The following CDH22 variants were observed in gnomAD, a reference collection of about 807,000 sequenced individuals.
The protein encoded by CDH22 is cadherin-22.
Under a neutral mutation model 58.4 loss-of-function variants are expected in CDH22, and 30 were observed. The ratio of observed to expected loss-of-function variants is 0.51; its 90% CI spans 0.38 to 0.70. The LOEUF (loss-of-function observed/expected upper bound fraction) is 0.70, where lower values mean the gene tolerates loss of function less well. Among genes scored for constraint, CDH22 ranks in the 30% least tolerant of loss-of-function variants. The pLI is 0.00. For missense variants in CDH22, 1,014 were observed against 1,233.9 expected, an observed-to-expected ratio of 0.82 and a Z score of 2.67; for synonymous variants, 513 against 558.2, an observed-to-expected ratio of 0.92 and a Z score of 1.14.
chr20:46,283,216 G>A (rs981179277), intron 1 of CDH22, among the ~76,000 whole-genome samples: 1 of 152,200 alleles, frequency 6.6e-6, no homozygotes, highest in Admixed American at 6.5e-5. Flanking sequence ...AGTTGGGGTT[G>A]GAACCTATGT....
chr20:46,186,321 C>T (rs2085824816), intron 10 of CDH22, among the ~76,000 whole-genome samples: 1 of 151,984 alleles, frequency 6.6e-6, no homozygotes, highest in Non-Finnish European at 1.5e-5. Context: ...TGGACTCTGG[C>T]ACAATCATTC....
intron 2 of CDH22, among the ~76,000 whole-genome samples, chr20:46,242,978 A>G (rs2145728532): frequency 6.6e-6 from 1 of 152,316 alleles, no homozygotes; most frequent in Admixed American, 6.5e-5. Context: ...GAAACACCTA[A>G]GTCCTTATCT....
At chr20:46,181,712 T>TTTC (rs1273359506) in intron 10 of CDH22, among the ~76,000 whole-genome samples, 3 of 69,338 alleles carry the variant, frequency 4.3e-5, no homozygotes, top group South Asian at 5.1e-4. Context: ...CTTTTCTTTC[T>TTTC]TTTTTTCCTT....
chr20:46,232,786 G>A (rs1490739627), intron 3 of CDH22, among the ~76,000 whole-genome samples: 2 of 152,110 alleles, frequency 1.3e-5, no homozygotes, highest in Non-Finnish European at 2.9e-5. Context: ...CTCCCTCTTC[G>A]ATCATCACTT....
At chr20:46,246,176 A>G (rs1041079303) in intron 2 of CDH22, among the ~76,000 whole-genome samples, 12 of 152,268 alleles carry the variant, frequency 7.9e-5, no homozygotes, top group Non-Finnish European at 1.3e-4. Context: ...AATTAAACGG[A>G]CAGTGCGGCT....
intron 9 of CDH22, 22 bp downstream of exon 9, chr20:46,186,804 G>C: frequency 6.3e-7 from 1 of 1,597,644 alleles, no homozygotes; most frequent in African/African-American, 1.3e-5. Context: ...GCAACGCCCA[G>C]TCCCCACCCC....
chr20:46,192,774 T>G (rs1315531788), intron 8 of CDH22, among the ~76,000 whole-genome samples: 1 of 151,732 alleles, frequency 6.6e-6, no homozygotes, highest in Non-Finnish European at 1.5e-5. Context: ...GGCAGGAAGA[T>G]TTATCATCCC....
chr20:46,237,638 TC>T (rs1214392071), intron 3 of CDH22, among the ~76,000 whole-genome samples: 2 of 151,590 alleles, frequency 1.3e-5, no homozygotes, highest in East Asian at 1.9e-4. Flanking sequence ...TCAAATTGAG[TC>T]CCCCCCACTC....
intron 1 of CDH22, among the ~76,000 whole-genome samples, chr20:46,279,905 G>A (rs1056511461): frequency 1.3e-5 from 2 of 152,110 alleles, no homozygotes; most frequent in African/African-American, 2.4e-5. Context: ...TCTAGTTGAC[G>A]GAGCATTTTT....
At chr20:46,233,674 T>C (rs1236854015) in intron 3 of CDH22, among the ~76,000 whole-genome samples, 2 of 152,124 alleles carry the variant, frequency 1.3e-5, no homozygotes, top group African/African-American at 4.8e-5. Context: ...GATTTGTTGA[T>C]GGAAAAGACA....
chr20:46,235,596 A>G (rs2145720559), intron 3 of CDH22, among the ~76,000 whole-genome samples: 1 of 152,274 alleles, frequency 6.6e-6, no homozygotes, highest in Admixed American at 6.5e-5. Context: ...AGCAGTCCCC[A>G]TCTCAGCCGC....
chr20:46,203,143 C>T (rs966687910), intron 7 of CDH22, among the ~76,000 whole-genome samples: 2 of 151,576 alleles, frequency 1.3e-5, no homozygotes, highest in Non-Finnish European at 3.0e-5. Context: ...GGCCATAGGG[C>T]GGGGGCAGCG....
At chr20:46,231,947 C>G (rs1326448043) in intron 3 of CDH22, among the ~76,000 whole-genome samples, 1 of 152,190 alleles carries the variant, frequency 6.6e-6, no homozygotes. Context: ...TTTAAGGACC[C>G]AGTGTGTCGT....
chr20:46,253,865 C>A (rs185513322), intron 1 of CDH22, among the ~76,000 whole-genome samples: 1 of 152,262 alleles, frequency 6.6e-6, no homozygotes, highest in Admixed American at 6.5e-5. Context: ...CTGGAGAGGG[C>A]TGTGGAGGTC....
chr20:46,199,618 C>A, intron 7 of CDH22, 59 bp from the exon 8 acceptor site: 2 of 1,573,670 alleles, frequency 1.3e-6, no homozygotes, highest in Non-Finnish European at 1.7e-6. Flanking sequence ...GAGCCCATGT[C>A]CTTTTCTCCC....
At chr20:46,201,019 T>A (rs2085957040) in intron 7 of CDH22, among the ~76,000 whole-genome samples, 1 of 152,186 alleles carries the variant, frequency 6.6e-6, no homozygotes, top group South Asian at 2.1e-4. Flanking sequence ...TGTTCCGCCT[T>A]CTTCCCGGGC....
intron 4 of CDH22, among the ~76,000 whole-genome samples, chr20:46,226,244 CTTCTT>C (rs1568665170): frequency 1.1e-4 from 1 of 8,938 alleles, no homozygotes; most frequent in Non-Finnish European, 2.2e-4. Context: ...TCTTCTTCTT[CTTCTT>C]CTTCTTCTTC....
At chr20:46,189,571 C>T (rs532230445) in intron 8 of CDH22, among the ~76,000 whole-genome samples, 12 of 152,240 alleles carry the variant, frequency 7.9e-5, no homozygotes, top group East Asian at 1.9e-4. Context: ...GTGAGTGATC[C>T]GCTCCTGGAT....
intron 1 of CDH22, among the ~76,000 whole-genome samples, chr20:46,281,620 T>C (rs1162325876): frequency 2.0e-5 from 3 of 152,216 alleles, no homozygotes; most frequent in Non-Finnish European, 4.4e-5. Flanking sequence ...ACTCACAAAC[T>C]GACCCATGTA....
Sources: gnomAD v4.1 joint callset for allele counts (sites outside exome capture counted in the v4.1 genomes callset) on GRCh38, gnomAD v4.1.1 for gene constraint, MANE v1.5 for transcripts, NCBI Gene and HGNC (gene_info 2026-07-23, HGNC 2026-07-21) for gene names.